The following DSCAM variants were observed in gnomAD, a reference collection of about 807,000 sequenced individuals.
DSCAM encodes the protein DS cell adhesion molecule.
Under a neutral mutation model 217.7 loss-of-function variants are expected in DSCAM, and 47 were observed. The observed-to-expected ratio is 0.22, with a 90% CI of 0.17 to 0.28. DSCAM has a LOEUF of 0.28. DSCAM is among the 10% of genes least tolerant of loss of function. The pLI is 1.00. For synonymous variants in DSCAM, 1,056 were observed against 1,015.3 expected (o/e 1.04, Z -0.76); for missense variants, 2,080 against 2,618.3 (o/e 0.79, Z 4.49).
At chr21:40,350,475 T>TG (rs1433297810) in intron 5 of DSCAM, among the ~76,000 whole-genome samples, 2 of 152,136 alleles carry the variant, frequency 1.3e-5, no homozygotes, top group East Asian at 1.9e-4. Flanking sequence ...AAAAAGTGGG[T>TG]GAAAAAAAAG....
chr21:40,017,974 A>G (rs1326116858), intron 32 of DSCAM, among the ~76,000 whole-genome samples: 1 of 152,248 alleles, frequency 6.6e-6, no homozygotes, highest in African/African-American at 2.4e-5. Flanking sequence ...CCCATTATAG[A>G]CACTAATGTG....
intron 14 of DSCAM, among the ~76,000 whole-genome samples, chr21:40,180,422 G>A (rs1428984140): frequency 1.3e-5 from 2 of 152,122 alleles, no homozygotes; most frequent in African/African-American, 4.8e-5. Flanking sequence ...GCATATTTGG[G>A]GTCAAGAAGA....
At chr21:40,688,851 G>A (rs1257017729) in intron 3 of DSCAM, among the ~76,000 whole-genome samples, 1 of 152,158 alleles carries the variant, frequency 6.6e-6, no homozygotes, top group African/African-American at 2.4e-5. Flanking sequence ...TCAGCTGTTG[G>A]GGTATTCTTT....
rs1439710558 is a variant in DSCAM at position 40,024,527 on chromosome 21, G to C, written c.5687-11141C>G. ...GCATAGAATGTTCTTCCATTTGTTT[G>C]TATCCTCTTTTATTTCGTTGAGCAG... On this transcript the variant is annotated intron_variant, in intron 32 of 32. Transcript: ENST00000400454. 2.7e-5 allele frequency among the ~76,000 whole-genome samples: 2 copies of C among 73,322 alleles called. 1 individual carries two copies. Among genetic ancestry groups the C allele is most frequent in the African/African-American group, 1.1e-4 (2 of 18,850 alleles). The allele number at this position is 73,322 out of a possible 152,430, so 48.1% of individuals were successfully genotyped here. A position where few individuals can be genotyped will look rare whatever the true frequency, so the allele number is the denominator to read the frequency against.
In DSCAM at chr21:40,055,826, G is replaced by A; in HGVS notation, c.4934C>T (p.Thr1645Ile). Residue 1645 changes from threonine (T) to isoleucine (I), a missense_variant, in exon 29 of 33, where the codon ACT becomes ATT. Transcript: ENST00000400454. ...CTGTTGCTTGCTTAACGTATCTGAAGTCCGGGTATTCTTACTGGGAATAAA... is the reference window on the plus strand; with the variant it reads ...CTGTTGCTTGCTTAACGTATCTGAAATCCGGGTATTCTTACTGGGAATAAA... ...AEMLMSKNTR[T>I]SDTLSKQQQT... 1 of 1,613,246 alleles carries A rather than the reference G, an allele frequency of 6.2e-7. No individual in the cohort carries two copies. Among genetic ancestry groups the A allele is most frequent in the Non-Finnish European group, 8.5e-7 (1 of 1,179,254 alleles).
chr21:40,353,377 G>C, intron 5 of DSCAM, 88 bp downstream of exon 5: 1 of 1,540,064 alleles, frequency 6.5e-7, no homozygotes, highest in Non-Finnish European at 8.7e-7. Flanking sequence ...TTAATGGAAA[G>C]CTACAGAGAA....
At chr21:40,697,204 C>A (rs972347753) in intron 2 of DSCAM, among the ~76,000 whole-genome samples, 1 of 152,184 alleles carries the variant, frequency 6.6e-6, no homozygotes, top group African/African-American at 2.4e-5. Flanking sequence ...AGCATAGCAA[C>A]CTCCAGTTTC....
At chr21:40,685,022 G>C (rs2090458136) in intron 3 of DSCAM, among the ~76,000 whole-genome samples, 1 of 152,216 alleles carries the variant, frequency 6.6e-6, no homozygotes, top group Non-Finnish European at 1.5e-5. Context: ...GGAAGAGTAT[G>C]AGTCAATGTG....
intron 10 of DSCAM, among the ~76,000 whole-genome samples, chr21:40,292,144 C>T (rs1601523120): frequency 6.7e-6 from 1 of 148,368 alleles, no homozygotes. Context: ...CTGAATGTCT[C>T]AGACTTTGTG....
chr21:40,840,676 G>A (rs1379850174), intron 1 of DSCAM, among the ~76,000 whole-genome samples: 1 of 152,100 alleles, frequency 6.6e-6, no homozygotes. Context: ...AGCCACAGGC[G>A]TTTCTGGAAA....
At chr21:40,162,330 T>G (rs2090549057) in intron 16 of DSCAM, among the ~76,000 whole-genome samples, 2 of 152,126 alleles carry the variant, frequency 1.3e-5, no homozygotes, top group Admixed American at 1.3e-4. Flanking sequence ...GGAGCAAATA[T>G]CTCTAAGGAC....
rs376969775 is a variant in DSCAM, at chr21:40,395,808, A to G, written c.509-26563T>C. On this transcript the variant is annotated intron_variant, in intron 3 of 32. Coordinates refer to ENST00000400454, the MANE Select transcript of DSCAM (RefSeq NM_001389.5). ...TTTGGCCCTGGAGTCCTCTCAGGGA[A>G]TGGATTGGGGAGAAAGACATTGGCA... Among the ~76,000 whole-genome samples, 292 of 152,268 alleles carry G rather than the reference A, an allele frequency of 1.9e-3. 1 individual carries two copies. The highest frequency in any genetic ancestry group is 6.7e-3 in the African/African-American group (277 of 41,552).
chr21:40,516,330 T>G lies in DSCAM; in HGVS notation c.509-147085A>C, dbSNP rs145927009. On this transcript the variant is annotated intron_variant, in intron 3 of 32. Coordinates refer to ENST00000400454, the MANE Select transcript of DSCAM (RefSeq NM_001389.5). ...CTGGGGTGAACAAGTAAGAATGTAT[T>G]TCATGTTCCATTCAACAGAGGAAAT... Among the ~76,000 whole-genome samples the G allele has an allele frequency of 1.2e-4, 19 of 152,308 alleles. No individual in the cohort carries two copies. The East Asian group carries it at 3.7e-3, about 29-fold the overall frequency.
chr21:40,303,477 C>T (rs934205591), intron 9 of DSCAM, among the ~76,000 whole-genome samples: 5 of 152,084 alleles, frequency 3.3e-5, no homozygotes, highest in Admixed American at 6.6e-5. Flanking sequence ...TATTTTCATC[C>T]CCATCTTTCT....
At chr21:40,739,481 G>A (rs1163706370) in intron 1 of DSCAM, among the ~76,000 whole-genome samples, 1 of 152,198 alleles carries the variant, frequency 6.6e-6, no homozygotes. Flanking sequence ...TGCAGGATTG[G>A]CTCTTCCTGG....
intron 32 of DSCAM, among the ~76,000 whole-genome samples, chr21:40,025,098 C>T (rs2088351101): frequency 7.8e-6 from 1 of 128,954 alleles, no homozygotes; most frequent in African/African-American, 2.9e-5. Flanking sequence ...TGAATTTTGT[C>T]AAAGGCCTTT....
chr21:40,128,795 G>A (rs1204362519), intron 19 of DSCAM, among the ~76,000 whole-genome samples: 1 of 151,766 alleles, frequency 6.6e-6, no homozygotes, highest in African/African-American at 2.4e-5. Flanking sequence ...TGATTCATCT[G>A]TCGGACCCTC....
chr21:40,608,265 T>C (rs1402257771), intron 3 of DSCAM, among the ~76,000 whole-genome samples: 2 of 152,242 alleles, frequency 1.3e-5, no homozygotes, highest in Admixed American at 6.5e-5. Context: ...AGTGTATTTT[T>C]CTGGCATTAG....
chr21:40,659,245 T>TTCC (rs1378481067), intron 3 of DSCAM, among the ~76,000 whole-genome samples: 3 of 152,206 alleles, frequency 2.0e-5, no homozygotes, highest in African/African-American at 7.2e-5. Context: ...CCATGCATTC[T>TTCC]TCCCTTCCTC....
Sources: gnomAD v4.1 joint callset for allele counts (sites outside exome capture counted in the v4.1 genomes callset) on GRCh38, gnomAD v4.1.1 for gene constraint, MANE v1.5 for transcripts, NCBI Gene and HGNC (gene_info 2026-07-23, HGNC 2026-07-21) for gene names.